Variants in BPTF observed in about 807,000 individuals in gnomAD.
BPTF encodes the protein bromodomain PHD finger transcription factor.
Under a neutral mutation model 292.5 loss-of-function variants are expected in BPTF, and 18 were observed. That is an observed-to-expected ratio of 0.06 (90% confidence interval 0.04 to 0.09). The LOEUF is 0.09. BPTF is among the 10% of genes least tolerant of loss of function. The pLI is 1.00. For synonymous variants in BPTF, 1,225 were observed against 1,251.9 expected, an observed-to-expected ratio of 0.98 and a Z score of 0.45; for missense variants, 2,726 against 3,498.7, an observed-to-expected ratio of 0.78 and a Z score of 5.57.
intron 1 of BPTF, among the ~76,000 whole-genome samples, chr17:67,851,326 T>C (rs1313129196): frequency 6.6e-6 from 1 of 151,920 alleles, no homozygotes; most frequent in Non-Finnish European, 1.5e-5. Flanking sequence ...GAAATAGAGA[T>C]TTCTCTGAAA....
chr17:67,968,213 G>A (rs1233404067), intron 26 of BPTF, among the ~76,000 whole-genome samples: 11 of 151,398 alleles, frequency 7.3e-5, no homozygotes, highest in Middle Eastern at 3.4e-3. Context: ...AGCCAGCTAA[G>A]CATTTTTTTT....
At chr17:67,909,385 T>C (rs2062492870) in intron 9 of BPTF, among the ~76,000 whole-genome samples, 197 bp from the exon 10 acceptor site, 1 of 151,204 alleles carries the variant, frequency 6.6e-6, no homozygotes, top group Non-Finnish European at 1.5e-5. Context: ...GCATTCCTTC[T>C]GTGTTTTAGG....
At chr17:67,887,834 C>T (rs2060842677) in intron 4 of BPTF, among the ~76,000 whole-genome samples, 1 of 152,162 alleles carries the variant, frequency 6.6e-6, no homozygotes, top group Non-Finnish European at 1.5e-5. Flanking sequence ...AGGCTATTCC[C>T]ATGTGGCAGG....
At chr17:67,908,706 T>A (rs570351222) in intron 9 of BPTF, among the ~76,000 whole-genome samples, 1 of 150,782 alleles carries the variant, frequency 6.6e-6, no homozygotes, top group African/African-American at 2.4e-5. Flanking sequence ...GCTAGGCTGG[T>A]CTTGAACTCC....
chr17:67,937,542 G>A (rs1568119700), intron 18 of BPTF, among the ~76,000 whole-genome samples: 2 of 152,160 alleles, frequency 1.3e-5, no homozygotes, highest in Non-Finnish European at 2.9e-5. Flanking sequence ...AAGACCTGAA[G>A]GAAATGAGAG....
intron 27 of BPTF, 87 bp from the exon 28 acceptor site, chr17:67,982,165 A>G (rs1555696949): frequency 8.2e-7 from 1 of 1,215,524 alleles, no homozygotes; most frequent in Non-Finnish European, 1.2e-6. Context: ...CTTCTCCCAG[A>G]CTGACTGACC....
rs2060392269 is a variant in BPTF, at chr17:67,881,428, G to A, written c.1864+6408G>A. ...ATGCCTAGATTGATCAACGAGTTTAGGTGGTGAGATTGCAAGATTCTCTGT... is the reference window on the plus strand; with the variant it reads ...ATGCCTAGATTGATCAACGAGTTTAAGTGGTGAGATTGCAAGATTCTCTGT... On this transcript the variant is annotated intron_variant, in intron 4 of 27. Coordinates refer to ENST00000306378, the MANE Select transcript of BPTF (RefSeq NM_182641.4). Among the ~76,000 whole-genome samples the A allele has an allele frequency of 2.0e-5, 3 of 150,918 alleles. No homozygotes were observed. In the South Asian group the frequency reaches 6.3e-4, roughly 32 times the overall value.
chr17:67,853,132 A>G (rs1321200876), intron 1 of BPTF, among the ~76,000 whole-genome samples: 1 of 152,220 alleles, frequency 6.6e-6, no homozygotes, highest in Non-Finnish European at 1.5e-5. Flanking sequence ...GTAGGTGATT[A>G]AATGAGATAG....
chr17:67,976,104 G>T (rs2069378111), intron 27 of BPTF, 146 bp downstream of exon 27: 1 of 586,904 alleles, frequency 1.7e-6, no homozygotes, highest in South Asian at 4.0e-5. Flanking sequence ...AGACTCCAGG[G>T]TTATGATCTA....
At chr17:67,882,054 C>T (rs1002158543) in intron 4 of BPTF, among the ~76,000 whole-genome samples, 4 of 151,698 alleles carry the variant, frequency 2.6e-5, no homozygotes, top group South Asian at 4.2e-4. Flanking sequence ...AGGCTGGTCT[C>T]GAACTCCTGA....
chr17:67,892,219 C>T (rs963373419), intron 5 of BPTF, among the ~76,000 whole-genome samples, 185 bp downstream of exon 5: 3 of 152,200 alleles, frequency 2.0e-5, no homozygotes, highest in Admixed American at 1.3e-4. Context: ...AGCATAGTTG[C>T]GTACCCAAAT....
chr17:67,844,548 ATTTTTTTTTTCTTT>A (rs1254096458), intron 1 of BPTF, among the ~76,000 whole-genome samples: 1 of 141,268 alleles, frequency 7.1e-6, no homozygotes, highest in Non-Finnish European at 1.6e-5. Context: ...CGCCCGGCTA[ATTTTTTTTTTCTTT>A]TTTTTTTTTT....
chr17:67,880,173 GC>G (rs1256748473), intron 4 of BPTF, among the ~76,000 whole-genome samples: 2 of 151,642 alleles, frequency 1.3e-5, no homozygotes, highest in Non-Finnish European at 2.9e-5. Flanking sequence ...TTCGTTACCT[GC>G]CCCCGTTAAT....
intron 1 of BPTF, among the ~76,000 whole-genome samples, chr17:67,843,146 A>G (rs1453356543): frequency 6.7e-6 from 1 of 150,018 alleles, no homozygotes; most frequent in Non-Finnish European, 1.5e-5. Flanking sequence ...CTACATACAT[A>G]TAAATATATA....
In BPTF at chr17:67,893,227, T is replaced by C. The variant is rs1022659592; in HGVS notation, c.2056-143T>C. On this transcript the variant is annotated intron_variant, in intron 5 of 27. Coordinates refer to ENST00000306378, the MANE Select transcript of BPTF (RefSeq NM_182641.4). Reference sequence around the variant, plus strand: ...CAATTAGCTTTACTTTTAACTTAGCTTTTAGACTTCAAAAGTTCTATCATA... The same window carrying C: ...CAATTAGCTTTACTTTTAACTTAGCCTTTAGACTTCAAAAGTTCTATCATA... The C allele has an allele frequency of 1.9e-5, 12 of 638,358 alleles. No individual in the cohort carries two copies. In the African/African-American group the frequency reaches 2.0e-4, roughly 11 times the overall value. 39.5% of individuals were successfully genotyped at this position (638,358 alleles called of 1,614,324 possible). A position where few individuals can be genotyped will look rare whatever the true frequency, so the allele number is the denominator to read the frequency against.
At chr17:67,929,723 C>T (rs894428667) in intron 17 of BPTF, among the ~76,000 whole-genome samples, 32 of 152,276 alleles carry the variant, frequency 2.1e-4, no homozygotes, top group Admixed American at 2.0e-3. Flanking sequence ...ATAATAATTG[C>T]TTTCTAGGAT....
rs571107409 is a variant in BPTF, at chr17:67,968,843, G to A, written c.8539+2187G>A. On this transcript the variant is annotated intron_variant, in intron 26 of 27. Coordinates refer to ENST00000306378, the MANE Select transcript of BPTF (RefSeq NM_182641.4). ...AAATACTATACAAAATTAGCCCGGCGTGGTGGCACATGCCTATAATCCTAG... is the reference window on the plus strand; with the variant it reads ...AAATACTATACAAAATTAGCCCGGCATGGTGGCACATGCCTATAATCCTAG... Among the ~76,000 whole-genome samples the A allele has an allele frequency of 4.1e-4, 62 of 151,112 alleles. 7 individuals carry two copies. Among genetic ancestry groups the A allele is most frequent in the African/African-American group, 1.4e-3 (58 of 40,754 alleles).
In BPTF at chr17:67,911,865, A is replaced by C. The variant is rs1417329845; in HGVS notation, c.3981A>C (p.Glu1327Asp). The C allele has an allele frequency of 1.2e-6, 2 of 1,613,974 alleles. No homozygotes were observed. The highest frequency in any genetic ancestry group is 1.7e-6 in the Non-Finnish European group (2 of 1,180,006). ...TCAGAACTCGAGAACAAGATGTTGA[A>C]GTCTTGGAGCCGTTAAAGTGTGAGT... is the stretch of plus-strand genomic sequence containing the variant. ...EQFRTREQDV[E>D]VLEPLKCELV... The change falls in exon 11 of 28, where the codon GAA becomes GAC. Residue 1327 changes from glutamate (E) to aspartate (D), a missense_variant. Physicochemically the swap from Glu to Asp is conservative, Grantham distance 45. This residue lies in a region of BPTF where 713 missense variants were observed against 714.9 expected (regional missense o/e 1.00). Coordinates refer to ENST00000306378, the MANE Select transcript of BPTF (RefSeq NM_182641.4).
rs2061153224 is a variant in BPTF at position 67,892,093 on chromosome 17, CA to C, written c.2055+60del. ...GAATGTGAGATAATTTTAATTACCA[CA>C]CCTTAAAAATAGGGGCTGGAAATTT... On this transcript the variant is annotated intron_variant, in intron 5 of 27. Coordinates refer to ENST00000306378, the MANE Select transcript of BPTF (RefSeq NM_182641.4). The C allele has an allele frequency of 2.4e-6, 3 of 1,274,538 alleles. No homozygotes were observed. The Admixed American group carries it at 8.4e-5, about 36-fold the overall frequency. 79.0% of individuals were successfully genotyped at this position (1,274,538 alleles called of 1,614,324 possible). A position where few individuals can be genotyped will look rare whatever the true frequency, so the allele number is the denominator to read the frequency against.
Sources: allele counts gnomAD v4.1 joint callset (sites outside exome capture counted in the v4.1 genomes callset), GRCh38; gene constraint gnomAD v4.1.1; regional missense constraint gnomAD v4.1.1; transcripts MANE v1.5; gene names NCBI Gene and HGNC (gene_info 2026-07-23, HGNC 2026-07-21).